CRCP: variants seen among roughly 807,000 people sequenced by gnomAD.
The protein encoded by CRCP is DNA-directed RNA polymerase III subunit RPC9.
A neutral mutation model predicts 18.5 loss-of-function variants in CRCP; 18 were observed. That is an observed-to-expected ratio of 0.97 (90% CI 0.67 to 1.44). The LOEUF is 1.44. CRCP is among the 40% of genes most tolerant of loss of function. The pLI, the probability that CRCP is intolerant of heterozygous loss-of-function variation, is 0.00. For missense variants in CRCP, 130 were observed against 176.4 expected (o/e 0.74, Z 1.49); for synonymous variants, 53 against 62.9 (o/e 0.84, Z 0.75).
intron 4 of CRCP, among the ~76,000 whole-genome samples, chr7:66,142,581 A>G (rs1033661626): frequency 2.0e-5 from 3 of 151,712 alleles, no homozygotes; most frequent in African/African-American, 2.4e-5. Flanking sequence ...GAAGCCTCAG[A>G]CTCCTGGGCT....
intron 4 of CRCP, among the ~76,000 whole-genome samples, chr7:66,136,953 C>G (rs919162876): frequency 6.6e-6 from 1 of 151,564 alleles, no homozygotes; most frequent in Non-Finnish European, 1.5e-5. Flanking sequence ...GTGACGGGGG[C>G]GCCTGTAGTC....
intron 1 of CRCP, among the ~76,000 whole-genome samples, chr7:66,120,282 A>G (rs1723262): frequency 2.0e-3 from 308 of 152,322 alleles, no homozygotes; most frequent in Middle Eastern, 6.8e-3. Context: ...AGGCTAAGGA[A>G]AGCCGACTGT....
chr7:66,129,422 G>C (rs1269121182), intron 2 of CRCP, among the ~76,000 whole-genome samples: 1 of 152,144 alleles, frequency 6.6e-6, no homozygotes, highest in East Asian at 1.9e-4. Flanking sequence ...AGGTTCGCTT[G>C]AGCCCAGGAG....
intron 4 of CRCP, among the ~76,000 whole-genome samples, chr7:66,140,281 C>T (rs977074834): frequency 1.3e-5 from 2 of 152,266 alleles, no homozygotes; most frequent in African/African-American, 4.8e-5. Context: ...CATCCATCCT[C>T]CACCCCAAAT....
intron 3 of CRCP, among the ~76,000 whole-genome samples, chr7:66,132,762 T>C (rs1787846491): frequency 6.6e-6 from 1 of 151,834 alleles, no homozygotes; most frequent in South Asian, 2.1e-4. Flanking sequence ...TACAAAAAAT[T>C]AGCCGGGCGT....
At position 66,152,462 on chromosome 7, in the gene CRCP, G is replaced by A. The variant is rs73699725; in HGVS notation, c.*105G>A. On this transcript the variant is annotated 3_prime_UTR_variant, in exon 6 of 6. Coordinates refer to ENST00000395326, the MANE Select transcript of CRCP (RefSeq NM_014478.5). ...TTGATTTTTATCCTCATCCCAGCAG[G>A]CCTGGCTTTGTGGTTAGTTGGGTAC... 11 of 1,331,526 alleles carry A rather than the reference G, an allele frequency of 8.3e-6. No individual in the cohort carries two copies. The highest frequency in any genetic ancestry group is 1.1e-5 in the Non-Finnish European group (11 of 973,028). 82.5% of individuals were successfully genotyped at this position (1,331,526 alleles called of 1,614,324 possible). A position where few individuals can be genotyped will look rare whatever the true frequency, so the allele number is the denominator to read the frequency against.
chr7:66,138,792 CAA>C (rs35447994), intron 4 of CRCP, among the ~76,000 whole-genome samples: 2 of 131,394 alleles, frequency 1.5e-5, no homozygotes, highest in East Asian at 2.2e-4. Context: ...GACTCCGTCT[CAA>C]AAAAAAAAAA....
intron 5 of CRCP, among the ~76,000 whole-genome samples, chr7:66,149,551 G>A (rs761094031): frequency 3.9e-5 from 6 of 152,080 alleles, no homozygotes; most frequent in Non-Finnish European, 7.4e-5. Flanking sequence ...GATGATCTCC[G>A]TTTGAGAAAA....
intron 5 of CRCP, among the ~76,000 whole-genome samples, chr7:66,149,042 G>A (rs1349701723): frequency 2.0e-5 from 3 of 152,166 alleles, no homozygotes; most frequent in East Asian, 1.9e-4. Flanking sequence ...TCGGCAACCC[G>A]GTTTGATGCT....
chr7:66,132,846 G>A (rs955466794), intron 3 of CRCP, among the ~76,000 whole-genome samples: 12 of 152,042 alleles, frequency 7.9e-5, no homozygotes, highest in African/African-American at 2.9e-4. Flanking sequence ...GGGAGGTGGA[G>A]CTTGCAGTGA....
At chr7:66,125,030 T>G (rs1260324180) in intron 1 of CRCP, among the ~76,000 whole-genome samples, 1 of 149,492 alleles carries the variant, frequency 6.7e-6, no homozygotes, top group African/African-American at 2.4e-5. Context: ...ACATTGGCAC[T>G]GTGACAGATG....
intron 2 of CRCP, among the ~76,000 whole-genome samples, chr7:66,128,915 T>C (rs1290663065): frequency 1.3e-5 from 2 of 152,060 alleles, no homozygotes; most frequent in African/African-American, 2.4e-5. Flanking sequence ...TAGAAGGTAG[T>C]AGGTTAAGTG....
At chr7:66,137,568 A>G (rs1788007807) in intron 4 of CRCP, among the ~76,000 whole-genome samples, 1 of 152,232 alleles carries the variant, frequency 6.6e-6, no homozygotes, top group African/African-American at 2.4e-5. Flanking sequence ...ATTAAGTATG[A>G]TGCTAGTTTA....
rs772635057 is a variant in CRCP, at chr7:66,145,501, G to GT, written c.297+2dup. On this transcript the variant is annotated splice_donor_variant, in intron 5 of 5. Coordinates refer to ENST00000395326, the MANE Select transcript of CRCP (RefSeq NM_014478.5). LOFTEE classifies it high-confidence loss of function. The stretch of plus-strand genomic sequence containing the variant: ...TGTGACTGCTGTGGAGATCCAGCTG[G>GT]TGAGTGAAGGGCGCCTGTGCTGGGG... 1 of 1,613,996 alleles carries GT rather than the reference G, an allele frequency of 6.2e-7. No individual in the cohort carries two copies. Among genetic ancestry groups the GT allele is most frequent in the Admixed American group, 1.7e-5 (1 of 60,028 alleles).
At chr7:66,140,476 A>C (rs1480162581) in intron 4 of CRCP, among the ~76,000 whole-genome samples, 1 of 151,778 alleles carries the variant, frequency 6.6e-6, no homozygotes, top group Non-Finnish European at 1.5e-5. Context: ...GCTCACTGCA[A>C]CTGCCGCCTC....
chr7:66,140,370 G>C (rs1424884276), intron 4 of CRCP, among the ~76,000 whole-genome samples: 1 of 143,278 alleles, frequency 7.0e-6, no homozygotes, highest in African/African-American at 2.6e-5. Flanking sequence ...TTGTTTTTTT[G>C]TCTGGAGATT....
rs1205664925 is a variant in CRCP, at chr7:66,152,849, A to G, written c.*492A>G. 6.4e-6 allele frequency: 1 copy of G among 155,192 alleles called. No individual in the cohort carries two copies. The highest frequency in any genetic ancestry group is 1.4e-5 in the Non-Finnish European group (1 of 69,796). The allele number at this position is 155,192 out of a possible 1,614,324, so 9.6% of individuals were successfully genotyped here. A position where few individuals can be genotyped will look rare whatever the true frequency, so the allele number is the denominator to read the frequency against. Reference sequence around the variant, plus strand: ...CCTTAGAGGAATTTCCTCGAGAACAACAGAGATAAGAAAAGAACCGGCCTG... The same window carrying G: ...CCTTAGAGGAATTTCCTCGAGAACAGCAGAGATAAGAAAAGAACCGGCCTG... On this transcript the variant is annotated 3_prime_UTR_variant, in exon 6 of 6. Transcript: ENST00000395326.
At chr7:66,120,216 AT>A (rs1465086217) in intron 1 of CRCP, among the ~76,000 whole-genome samples, 1 of 152,082 alleles carries the variant, frequency 6.6e-6, no homozygotes, top group Non-Finnish European at 1.5e-5. Context: ...AGAAAAAAAA[AT>A]GTTTTTTGCA....
At chr7:66,145,547 T>C (rs1300626659) in intron 5 of CRCP, 47 bp downstream of exon 5, 2 of 1,599,998 alleles carry the variant, frequency 1.3e-6, no homozygotes, top group South Asian at 2.2e-5. Context: ...GGGTCTGAGA[T>C]GTAGAATGGC....
Sources: gnomAD v4.1 joint callset for allele counts (sites outside exome capture counted in the v4.1 genomes callset) on GRCh38, gnomAD v4.1.1 for gene constraint, MANE v1.5 for transcripts, NCBI Gene and HGNC (gene_info 2026-07-23, HGNC 2026-07-21) for gene names.